Variants in SNED1 observed in about 807,000 individuals in gnomAD.
SNED1 encodes the protein sushi, nidogen and EGF like domains 1, also known as sushi, nidogen and EGF-like domain-containing protein 1.
SNED1 carries 81 observed loss-of-function variants against 166.7 expected under a neutral mutation model. The ratio of observed to expected loss-of-function variants is 0.49; its 90% CI spans 0.41 to 0.58. SNED1 has a LOEUF of 0.58. Among genes scored for constraint, SNED1 ranks in the 20% least tolerant of loss-of-function variants. SNED1 has a pLI of 0.00. For missense variants in SNED1, 1,604 were observed against 2,000.2 expected (o/e 0.80, Z 3.78); for synonymous variants, 762 against 822.0 (o/e 0.93, Z 1.25).
At position 241,069,992 on chromosome 2, in the gene SNED1, C is replaced by G. The variant is rs936589292; in HGVS notation, c.3380C>G (p.Pro1127Arg). Residue 1127 changes from proline (P) to arginine (R), a missense_variant, in exon 24 of 32, where the codon CCG (proline) becomes CGG (arginine). Transcript: ENST00000310397. The surrounding 1 kb of genome is among the most constrained non-coding windows in gnomAD (Gnocchi z 4.9). The part of the protein sequence containing the change: ...ATSAHVVWDA[P>R]TPGSLLEAYV... The stretch of plus-strand genomic sequence containing the variant: ...TCTGCCCACGTGGTCTGGGATGCCC[C>G]GACTCCAGGCAGCTTGCTGGAGGCT... 1.5e-5 allele frequency: 24 copies of G among 1,612,862 alleles called. No homozygotes were observed. Among genetic ancestry groups the G allele is most frequent in the Non-Finnish European group, 1.9e-5 (23 of 1,179,886 alleles).
Position 241,094,814 on chromosome 2 carries a change from A to G in SNED1, c.*3178A>G, listed in dbSNP as rs2064288663. ...TCTAGTTGATCCTAGAATGCTACCA[A>G]GGAGACTTGAATTTTGGTCCCATCA... On this transcript the variant is annotated 3_prime_UTR_variant, in exon 32 of 32. Transcript: ENST00000310397. The surrounding 1 kb of genome is among the most constrained non-coding windows in gnomAD (Gnocchi z 4.3). The G allele has an allele frequency of 6.1e-6, 1 of 164,688 alleles. No homozygotes were observed. The highest frequency in any genetic ancestry group is 1.5e-4 in the South Asian group (1 of 6,688). The allele number at this position is 164,688 out of a possible 1,614,324, so 10.2% of individuals were successfully genotyped here. A position where few individuals can be genotyped will look rare whatever the true frequency, so the allele number is the denominator to read the frequency against.
chr2:241,040,858 A>T (rs201785103), intron 8 of SNED1: 4 of 471,162 alleles, frequency 8.5e-6, no homozygotes. Flanking sequence ...ACTATTTTCT[A>T]TTCTATTTTG....
chr2:241,042,455 A>G (rs1260527622), intron 8 of SNED1, among the ~76,000 whole-genome samples: 1 of 152,240 alleles, frequency 6.6e-6, no homozygotes, highest in Non-Finnish European at 1.5e-5. Context: ...ACAGGAGTAT[A>G]TCAATAATAC....
rs539983649 is a variant in SNED1 at position 241,009,720 on chromosome 2, G to A, written c.213+10670G>A. ...TGCAGCTCAGATGTCCCCTCCTCCA[G>A]GAAGTCACCCTGGCTCTCCCTGGTG... On this transcript the variant is annotated intron_variant, in intron 1 of 31. Coordinates refer to ENST00000310397, the MANE Select transcript of SNED1 (RefSeq NM_001080437.3). Among the ~76,000 whole-genome samples the A allele has an allele frequency of 1.3e-3, 193 of 152,230 alleles. 1 individual carries two copies. Among genetic ancestry groups the A allele is most frequent in the African/African-American group, 4.5e-3 (185 of 41,522 alleles).
At chr2:241,072,174 A>G in intron 26 of SNED1, 1 of 643,936 alleles carries the variant, frequency 1.6e-6, no homozygotes. Flanking sequence ...GGTCTGAGAC[A>G]TTACAGCAGC....
intron 12 of SNED1, among the ~76,000 whole-genome samples, chr2:241,050,458 C>T (rs1223133565): frequency 6.6e-6 from 1 of 152,088 alleles, no homozygotes; most frequent in Admixed American, 6.5e-5. Context: ...GTGGTCAGTG[C>T]CCAGAGGGGG....
At chr2:241,053,129 G>A (rs775779209) in intron 15 of SNED1, 24 bp from the exon 16 acceptor site, 44 of 1,600,032 alleles carry the variant, frequency 2.7e-5, no homozygotes, top group Admixed American at 1.7e-4. Context: ...AGGACCGTGC[G>A]AGACAGGCTG....
chr2:241,093,053 T>A lies in SNED1; in HGVS notation c.*1417T>A, dbSNP rs2064141252. On this transcript the variant is annotated 3_prime_UTR_variant, in exon 32 of 32. Transcript: ENST00000310397. ...GTATATTTTAGGCTTTTTATCTTTA[T>A]TAAAATTTCATGTGCATGTGTCTGT... is the stretch of plus-strand genomic sequence containing the variant. The A allele has an allele frequency of 6.6e-6, 1 of 152,286 alleles. No individual in the cohort carries two copies. Among genetic ancestry groups the A allele is most frequent in the Non-Finnish European group, 1.5e-5 (1 of 68,042 alleles). 9.4% of individuals were successfully genotyped at this position (152,286 alleles called of 1,614,324 possible). A position where few individuals can be genotyped will look rare whatever the true frequency, so the allele number is the denominator to read the frequency against.
intron 1 of SNED1, among the ~76,000 whole-genome samples, chr2:241,002,277 G>A (rs770457129): frequency 5.3e-5 from 8 of 152,108 alleles, no homozygotes; most frequent in Non-Finnish European, 8.8e-5. Context: ...CAGTGGGACC[G>A]AGGCCTGCGC....
chr2:241,063,892 C>A, intron 18 of SNED1, 120 bp from the exon 19 acceptor site: 1 of 821,960 alleles, frequency 1.2e-6, no homozygotes, highest in Middle Eastern at 3.6e-4. Context: ...GACCTGCCCA[C>A]TGCCCCTCTC....
intron 4 of SNED1, chr2:241,035,572 C>G (rs1352030925): frequency 6.6e-6 from 1 of 152,190 alleles, no homozygotes; most frequent in African/African-American, 2.4e-5. Flanking sequence ...AGGCTCGCAC[C>G]GGGACCTGCC....
chr2:241,000,814 C>T (rs772420998), intron 1 of SNED1, among the ~76,000 whole-genome samples: 3 of 152,202 alleles, frequency 2.0e-5, no homozygotes, highest in Non-Finnish European at 2.9e-5. Flanking sequence ...AACCATTTGC[C>T]GATGTGGACA....
intron 1 of SNED1, among the ~76,000 whole-genome samples, chr2:241,002,143 C>A (rs957221049): frequency 9.2e-5 from 14 of 152,292 alleles, no homozygotes; most frequent in African/African-American, 3.4e-4. Flanking sequence ...CCTCTGTCTC[C>A]CCATCTGTGT....
At chr2:241,048,629 C>G in intron 9 of SNED1, 33 bp from the exon 10 acceptor site, 4 of 1,571,360 alleles carry the variant, frequency 2.5e-6, no homozygotes, top group Non-Finnish European at 3.5e-6. Context: ...TCTGCGCCCC[C>G]ACATGGGAGG....
At chr2:241,067,429 G>A (rs139809690) in intron 21 of SNED1, among the ~76,000 whole-genome samples, 67 of 152,334 alleles carry the variant, frequency 4.4e-4, no homozygotes, top group Middle Eastern at 6.8e-3. Context: ...GGGGAGGTCC[G>A]GGTTACTCAT....
At chr2:241,072,514 C>T (rs1165963789) in intron 26 of SNED1, 17 of 339,176 alleles carry the variant, frequency 5.0e-5, no homozygotes, top group South Asian at 3.8e-4. Context: ...TGGTCATCCT[C>T]ATGGAACTCC....
At chr2:241,041,911 A>G (rs1011408041) in intron 8 of SNED1, among the ~76,000 whole-genome samples, 1 of 152,210 alleles carries the variant, frequency 6.6e-6, no homozygotes, top group Non-Finnish European at 1.5e-5. Flanking sequence ...CAACACCTAG[A>G]AAAACAGACA....
chr2:241,054,594 G>A (rs2061986997), intron 16 of SNED1, among the ~76,000 whole-genome samples: 1 of 152,192 alleles, frequency 6.6e-6, no homozygotes, highest in South Asian at 2.1e-4. Flanking sequence ...TGGATTAACG[G>A]TATAAAATAA....
rs1307253746 is a variant in SNED1 at position 241,068,474 on chromosome 2, C to T, written c.3195-437C>T. 1.3e-5 allele frequency among the ~76,000 whole-genome samples: 2 copies of T among 152,062 alleles called. No individual in the cohort carries two copies. The highest frequency in any genetic ancestry group is 1.9e-4 in the East Asian group (1 of 5,158). ...CGCAGGCAGGGGTGCAGGAAAAGAT[C>T]GGAGAGCGAGTGGGAAGGAAGACTC... On this transcript the variant is annotated intron_variant, in intron 22 of 31. Transcript: ENST00000310397. This position sits in a 1 kb window ranked among gnomAD's most constrained non-coding sequence, Gnocchi z 5.3.
Sources: allele counts gnomAD v4.1 joint callset (sites outside exome capture counted in the v4.1 genomes callset), GRCh38; gene constraint gnomAD v4.1.1; non-coding constraint Gnocchi (gnomAD v3.1); transcripts MANE v1.5; gene names NCBI Gene and HGNC (gene_info 2026-07-23, HGNC 2026-07-21).